Variants in MEGF10 observed in about 807,000 individuals in gnomAD.
MEGF10 encodes multiple EGF like domains 10, also known as multiple epidermal growth factor-like domains protein 10.
A neutral mutation model predicts 147.5 loss-of-function variants in MEGF10; 86 were observed. The observed-to-expected ratio is 0.58, with a 90% CI of 0.49 to 0.70. MEGF10 has a LOEUF of 0.70. Ranked by LOEUF, MEGF10 falls within the 30% of genes least tolerant of loss-of-function variation. MEGF10 has a pLI of 0.00. For synonymous variants in MEGF10, 478 were observed against 525.5 expected (o/e 0.91, Z 1.24); for missense variants, 1,329 against 1,487.3 (o/e 0.89, Z 1.75).
At chr5:127,424,022 T>A (rs1765122286) in intron 13 of MEGF10, among the ~76,000 whole-genome samples, 1 of 152,230 alleles carries the variant, frequency 6.6e-6, no homozygotes, top group Non-Finnish European at 1.5e-5. Flanking sequence ...ATTTAGATAT[T>A]TGATCCATTC....
At chr5:127,286,998 T>A (rs1191506910), upstream of MEGF10, among the ~76,000 whole-genome samples, 2 of 151,936 alleles carry the variant, frequency 1.3e-5, no homozygotes, top group Non-Finnish European at 2.9e-5. Context: ...GCAAGTTTAA[T>A]AAGCAGTTCA....
rs187825787 is a variant in MEGF10, at chr5:127,362,611, G to A, written c.320-7299G>A. Among the ~76,000 whole-genome samples the A allele has an allele frequency of 3.5e-3, 531 of 152,042 alleles. 4 individuals are homozygous for A. Among genetic ancestry groups the A allele is most frequent in the Non-Finnish European group, 6.5e-3 (443 of 67,956 alleles). ...CATCTCCTGACCTCGTGATCCGCCC[G>A]CCTCAGCCTCCCAAAGTGCTGGGAT... is the stretch of plus-strand genomic sequence containing the variant. On this transcript the variant is annotated intron_variant, in intron 4 of 24. Coordinates refer to ENST00000503335, the MANE Select transcript of MEGF10 (RefSeq NM_001256545.2).
chr5:127,279,500 A>G, the MEGF10 span, among the ~76,000 whole-genome samples: 1 of 152,148 alleles, frequency 6.6e-6, no homozygotes, highest in Non-Finnish European at 1.5e-5. Flanking sequence ...ATTCTCAGAA[A>G]TAGTGTTGGA....
the MEGF10 span, among the ~76,000 whole-genome samples, chr5:127,247,369 A>G: frequency 0.2 from 1,997 of 9,822 alleles, 143 homozygotes; most frequent in Middle Eastern, 0.33. Flanking sequence ...GAAGAAGAAG[A>G]AGAAGAAGAA....
At chr5:127,411,158 T>C (rs2126953826) in intron 9 of MEGF10, among the ~76,000 whole-genome samples, 1 of 152,292 alleles carries the variant, frequency 6.6e-6, no homozygotes, top group East Asian at 1.9e-4. Context: ...CAAGGGACTT[T>C]TAGCTCAAAA....
intron 1 of MEGF10, among the ~76,000 whole-genome samples, chr5:127,310,501 T>C (rs1760242849): frequency 6.6e-6 from 1 of 152,188 alleles, no homozygotes; most frequent in Non-Finnish European, 1.5e-5. Flanking sequence ...TTTAGATTTT[T>C]TTTAAGGATA....
intron 16 of MEGF10, among the ~76,000 whole-genome samples, chr5:127,437,890 C>T (rs1050681492): frequency 6.6e-6 from 1 of 152,182 alleles, no homozygotes; most frequent in African/African-American, 2.4e-5. Context: ...AAGTCATTTT[C>T]CACACCTTAT....
intron 13 of MEGF10, among the ~76,000 whole-genome samples, chr5:127,424,113 A>G (rs1417075727): frequency 1.3e-5 from 2 of 152,308 alleles, no homozygotes; most frequent in South Asian, 2.1e-4. Context: ...TCCCAGCACT[A>G]TTTGTGAAAA....
chr5:127,405,014 T>A (rs1334998089), intron 8 of MEGF10, among the ~76,000 whole-genome samples: 2 of 152,134 alleles, frequency 1.3e-5, no homozygotes, highest in African/African-American at 2.4e-5. Flanking sequence ...CACCTTTGTC[T>A]GTAACATCCT....
Position 127,359,063 on chromosome 5 carries a change from T to G in MEGF10, c.320-10847T>G, listed in dbSNP as rs76147524. ...ATTTCAACACAAGCTGTTTTGTTTT[T>G]TTTTTTTTCTGTATGAGTCAATTAC... On this transcript the variant is annotated intron_variant, in intron 4 of 24. Coordinates refer to ENST00000503335, the MANE Select transcript of MEGF10 (RefSeq NM_001256545.2). 1.0e-3 allele frequency among the ~76,000 whole-genome samples: 157 copies of G among 152,166 alleles called. No individual in the cohort carries two copies. The East Asian group carries it at 0.025, about 24-fold the overall frequency.
At chr5:127,360,924 T>C (rs1329055851) in intron 4 of MEGF10, among the ~76,000 whole-genome samples, 1 of 151,876 alleles carries the variant, frequency 6.6e-6, no homozygotes, top group Non-Finnish European at 1.5e-5. Context: ...TCCTTTTACA[T>C]ATTGTTGGAT....
chr5:127,395,536 C>CTTTTTTT (rs35926205), intron 5 of MEGF10, among the ~76,000 whole-genome samples: 2 of 65,574 alleles, frequency 3.0e-5, no homozygotes, highest in Admixed American at 2.2e-4. Flanking sequence ...TGACTGATAT[C>CTTTTTTT]TTTTTTTTTT....
At chr5:127,375,999 A>C (rs442870) in intron 5 of MEGF10, among the ~76,000 whole-genome samples, 1 of 152,178 alleles carries the variant, frequency 6.6e-6, no homozygotes, top group South Asian at 2.1e-4. Flanking sequence ...GAGAAAAATA[A>C]AGTGAAAGAA....
At chr5:127,426,460 A>G (rs1429625629) in intron 13 of MEGF10, among the ~76,000 whole-genome samples, 1 of 152,178 alleles carries the variant, frequency 6.6e-6, no homozygotes, top group African/African-American at 2.4e-5. Flanking sequence ...CCAATACACT[A>G]TTTTATCAAA....
intron 5 of MEGF10, among the ~76,000 whole-genome samples, chr5:127,393,353 A>G (rs754272332): frequency 2.6e-5 from 4 of 152,234 alleles, no homozygotes; most frequent in Non-Finnish European, 5.9e-5. Flanking sequence ...AAGTCAGTGT[A>G]CCCTTGTAGT....
At chr5:127,239,182 G>C in the MEGF10 span, among the ~76,000 whole-genome samples, 4,531 of 151,930 alleles carry the variant, frequency 0.03, 220 homozygotes, top group African/African-American at 0.1. Flanking sequence ...AAAGAGACAG[G>C]ATAACAAAAT....
chr5:127,242,261 G>GAT, the MEGF10 span, among the ~76,000 whole-genome samples: 5 of 152,270 alleles, frequency 3.3e-5, no homozygotes, highest in South Asian at 8.3e-4. Flanking sequence ...AGCTTGCAAA[G>GAT]ATAGCACCAG....
rs1045097973 is a variant in MEGF10 at position 127,460,529 on chromosome 5, A to G, written c.*3211A>G. 2.0e-5 allele frequency: 3 copies of G among 152,212 alleles called. No homozygotes were observed. The highest frequency in any genetic ancestry group is 7.2e-5 in the African/African-American group (3 of 41,474). 9.4% of individuals were successfully genotyped at this position (152,212 alleles called of 1,614,324 possible). A position where few individuals can be genotyped will look rare whatever the true frequency, so the allele number is the denominator to read the frequency against. ...ACCTGACTGAACCAAATCCATCAGC[A>G]TAATGACTGTGTGTTCTGAGAAATG... On this transcript the variant is annotated 3_prime_UTR_variant, in exon 25 of 25. Coordinates refer to ENST00000503335, the MANE Select transcript of MEGF10 (RefSeq NM_001256545.2).
chr5:127,304,412 T>C (rs1030140415), intron 1 of MEGF10, among the ~76,000 whole-genome samples: 3 of 152,248 alleles, frequency 2.0e-5, no homozygotes, highest in African/African-American at 7.2e-5. Context: ...TCCTCAGCTC[T>C]CTGTGCCTCT....
Sources: gnomAD v4.1 joint callset for allele counts (sites outside exome capture counted in the v4.1 genomes callset) on GRCh38, gnomAD v4.1.1 for gene constraint, MANE v1.5 for transcripts, NCBI Gene and HGNC (gene_info 2026-07-23, HGNC 2026-07-21) for gene names.